Variants in IAH1 observed in about 807,000 individuals in gnomAD.
IAH1 encodes the protein isoamyl acetate hydrolyzing esterase 1 (putative).
IAH1 carries 24 observed loss-of-function variants against 26.7 expected under a neutral mutation model. The ratio of observed to expected loss-of-function variants is 0.90; its 90% confidence interval spans 0.65 to 1.26. IAH1 has a LOEUF of 1.26. IAH1 is among the 50% of genes most tolerant of loss of function. IAH1 has a pLI of 0.00. For missense variants in IAH1, 300 were observed against 299.9 expected (o/e 1.00, Z 0.00); for synonymous variants, 140 against 118.5 (o/e 1.18, Z -1.18).
downstream of IAH1, among the ~76,000 whole-genome samples, chr2:9,498,017 A>G (rs554409316): frequency 6.6e-6 from 1 of 152,276 alleles, no homozygotes; most frequent in South Asian, 2.1e-4. Context: ...TATTTCTTAA[A>G]TAAATCAATT....
chr2:9,509,421 A>G, the IAH1 span, among the ~76,000 whole-genome samples: 17 of 152,214 alleles, frequency 1.1e-4, no homozygotes, highest in Non-Finnish European at 7.4e-5. Context: ...CCCAATAGTA[A>G]ATGATTCCAT....
At chr2:9,490,551 A>G (rs1446508885), downstream of IAH1, 3 of 1,579,246 alleles carry the variant, frequency 1.9e-6, no homozygotes, top group African/African-American at 4.1e-5. Context: ...GATTGATAGG[A>G]ATAAAAGATG....
chr2:9,505,121 C>T, the IAH1 span: 162 of 1,600,220 alleles, frequency 1.0e-4, no homozygotes, highest in Non-Finnish European at 1.2e-4. Context: ...TTTTGGACAT[C>T]TTGTTATACC....
chr2:9,480,645 T>G (rs1458924116), intron 3 of IAH1, among the ~76,000 whole-genome samples: 1 of 152,224 alleles, frequency 6.6e-6, no homozygotes, highest in Non-Finnish European at 1.5e-5. Flanking sequence ...TTCTGGGTGG[T>G]AGGAACATTG....
intron 1 of IAH1, 67 bp from the exon 2 acceptor site, chr2:9,475,920 A>G: frequency 1.4e-6 from 2 of 1,407,588 alleles, no homozygotes; most frequent in Non-Finnish European, 1.0e-6. Flanking sequence ...GTTGCCAATC[A>G]GAACTGCCCT....
chr2:9,505,743 G>A, the IAH1 span: 1 of 223,350 alleles, frequency 4.5e-6, no homozygotes, highest in African/African-American at 2.2e-5. Flanking sequence ...TGCCACTCAT[G>A]CAGTGACAAG....
intron 2 of IAH1, among the ~76,000 whole-genome samples, chr2:9,477,836 CAAACT>C (rs1239373697): frequency 6.6e-6 from 1 of 151,982 alleles, no homozygotes; most frequent in Non-Finnish European, 1.5e-5. Flanking sequence ...AAATATAAAC[CAAACT>C]AAACTATTTA....
At chr2:9,501,582 A>T in the IAH1 span, among the ~76,000 whole-genome samples, 1 of 152,260 alleles carries the variant, frequency 6.6e-6, no homozygotes, top group East Asian at 1.9e-4. Context: ...AACAATATGT[A>T]GGTGTCCCCA....
chr2:9,475,488 CTT>C (rs60057180), intron 1 of IAH1, among the ~76,000 whole-genome samples: 4 of 144,148 alleles, frequency 2.8e-5, no homozygotes, highest in South Asian at 2.2e-4. Flanking sequence ...TTCTGTTTAG[CTT>C]TTTTTTTTTT....
chr2:9,476,567 C>G (rs756767238), intron 2 of IAH1, among the ~76,000 whole-genome samples: 3 of 152,162 alleles, frequency 2.0e-5, no homozygotes, highest in Non-Finnish European at 4.4e-5. Context: ...TGCAAGTGGG[C>G]TGAGTCTGAA....
chr2:9,486,310 G>A lies in IAH1; in HGVS notation c.564+1760G>A, dbSNP rs554887096. On this transcript the variant is annotated intron_variant, in intron 5 of 5. Transcript: ENST00000497473. Reference sequence around the variant, plus strand: ...AGAATTCCAGATTAGGAGGGGCCTTGGCAGCTTGAGTGCCAAAAGGGTCGA... The same window carrying A: ...AGAATTCCAGATTAGGAGGGGCCTTAGCAGCTTGAGTGCCAAAAGGGTCGA... 2.2e-4 allele frequency: 33 copies of A among 152,268 alleles called. No homozygotes were observed. The East Asian group carries it at 6.4e-3, about 29-fold the overall frequency. The allele number at this position is 152,268 out of a possible 1,614,324, so 9.4% of individuals were successfully genotyped here.
rs1661158915 is a variant in IAH1, at chr2:9,481,354, C to G, written c.352C>G (p.Leu118Val). 2.5e-6 allele frequency: 4 copies of G among 1,614,120 alleles called. No individual in the cohort carries two copies. In the Admixed American group the frequency reaches 6.7e-5, roughly 27 times the overall value. Residue 118 changes from leucine (L) to valine (V), a missense_variant, in exon 4 of 6, where the codon CTG becomes GTG. Physicochemically the swap from Leu to Val is conservative, Grantham distance 32 (BLOSUM62 1). Transcript: ENST00000497473. ...AANLKSMVQY[L>V]KSVDIPENRV... ...GAACCTAAAGAGCATGGTGCAGTAC[C>G]TGAAGTCCGTGGACATCCCTGAGAA...
chr2:9,509,112 G>A, the IAH1 span, among the ~76,000 whole-genome samples: 1 of 152,168 alleles, frequency 6.6e-6, no homozygotes, highest in Non-Finnish European at 1.5e-5. Flanking sequence ...GTCCAGGGAA[G>A]GCTTGCACAT....
downstream of IAH1, chr2:9,491,273 T>G (rs1436685343): frequency 8.5e-6 from 7 of 826,436 alleles, no homozygotes; most frequent in Non-Finnish European, 1.3e-5. Context: ...TAGAAAGTGA[T>G]AGCAGGCTCA....
chr2:9,475,680 T>C (rs1451257595), intron 1 of IAH1: 1 of 389,646 alleles, frequency 2.6e-6, no homozygotes, highest in African/African-American at 2.1e-5. Flanking sequence ...TTTGTAATTT[T>C]AGTAGAGACG....
intron 3 of IAH1, among the ~76,000 whole-genome samples, chr2:9,479,230 CAG>C (rs1383512885): frequency 6.6e-6 from 1 of 151,998 alleles, no homozygotes; most frequent in African/African-American, 2.4e-5. Flanking sequence ...AAACTCAAAA[CAG>C]AATTTTTTAA....
downstream of IAH1, among the ~76,000 whole-genome samples, chr2:9,496,777 G>A (rs971957377): frequency 6.6e-6 from 1 of 152,140 alleles, no homozygotes; most frequent in Admixed American, 6.5e-5. Flanking sequence ...CTGCTTTTGT[G>A]GTTTGTATGA....
intron 4 of IAH1, among the ~76,000 whole-genome samples, chr2:9,482,593 A>T (rs964701474): frequency 6.6e-6 from 1 of 152,220 alleles, no homozygotes; most frequent in African/African-American, 2.4e-5. Context: ...GCCCAAGATC[A>T]CACAGCCAGC....
At chr2:9,484,333 A>T in intron 4 of IAH1, 99 bp from the exon 5 acceptor site, 1 of 940,762 alleles carries the variant, frequency 1.1e-6, no homozygotes, top group Non-Finnish European at 1.7e-6. Flanking sequence ...GTCAATATTT[A>T]ATGGCATTTT....
Sources: gnomAD v4.1 joint callset for allele counts (sites outside exome capture counted in the v4.1 genomes callset) on GRCh38, gnomAD v4.1.1 for gene constraint, MANE v1.5 for transcripts, NCBI Gene and HGNC (gene_info 2026-07-23, HGNC 2026-07-21) for gene names.